The following DGCR2 variants were observed in gnomAD, a reference collection of about 807,000 sequenced individuals.
DGCR2 encodes DiGeorge syndrome critical region gene 2.
Under a neutral mutation model 51.6 loss-of-function variants are expected in DGCR2, and 24 were observed. That is an observed-to-expected ratio of 0.47 (90% CI 0.34 to 0.65). The LOEUF (loss-of-function observed/expected upper bound fraction) is 0.65, where lower values mean the gene tolerates loss of function less well. Ranked by LOEUF, DGCR2 falls within the 30% of genes least tolerant of loss-of-function variation. The probability of loss-of-function intolerance (pLI) is 0.01; values close to 1 mark genes in which losing one functional copy is unlikely to be tolerated. For missense variants in DGCR2, 765 were observed against 772.1 expected (o/e 0.99, Z 0.11); for synonymous variants, 340 against 315.4 (o/e 1.08, Z -0.82).
At chr22:19,046,010 G>A (rs1385165239) in intron 7 of DGCR2, among the ~76,000 whole-genome samples, 2 of 152,158 alleles carry the variant, frequency 1.3e-5, no homozygotes, top group African/African-American at 2.4e-5. Flanking sequence ...TTACAGGTGC[G>A]AGACACCATG....
At chr22:19,056,316 A>G (rs980934969) in intron 6 of DGCR2, 6 of 203,652 alleles carry the variant, frequency 2.9e-5, no homozygotes, top group East Asian at 1.2e-4. Context: ...CTCTGTCCCA[A>G]AAAAAAAAAG....
At chr22:19,079,530 A>G (rs1365477452) in intron 2 of DGCR2, among the ~76,000 whole-genome samples, 1 of 152,204 alleles carries the variant, frequency 6.6e-6, no homozygotes, top group Non-Finnish European at 1.5e-5. Flanking sequence ...CTGCCATTTT[A>G]CCAATGTCAG....
chr22:19,083,702 C>CA (rs1461702415), intron 2 of DGCR2, among the ~76,000 whole-genome samples: 1 of 108,190 alleles, frequency 9.2e-6, no homozygotes, highest in Non-Finnish European at 1.9e-5. Context: ...CCCCCCTCCC[C>CA]CTCCCCCTCT....
At chr22:19,042,384 C>G (rs1482537680) in intron 7 of DGCR2, among the ~76,000 whole-genome samples, 1 of 152,254 alleles carries the variant, frequency 6.6e-6, no homozygotes. Context: ...CTCCCACGTC[C>G]GTCCAACAGC....
At chr22:19,040,505 C>T (rs2082419161) in intron 9 of DGCR2, among the ~76,000 whole-genome samples, 1 of 152,206 alleles carries the variant, frequency 6.6e-6, no homozygotes, top group Non-Finnish European at 1.5e-5. Context: ...GGGTCAGGGG[C>T]CTGCCACTCC....
At chr22:19,117,726 G>T (rs997989540) in intron 1 of DGCR2, among the ~76,000 whole-genome samples, 1 of 152,102 alleles carries the variant, frequency 6.6e-6, no homozygotes, top group South Asian at 2.1e-4. Context: ...CTTTACTCTT[G>T]CAACTTTTCC....
At chr22:19,065,893 G>T (rs2238749) in intron 3 of DGCR2, 75,054 of 152,126 alleles carry the variant, frequency 0.49, 19,661 homozygotes, top group African/African-American at 0.68. Context: ...TTAAAGTGCA[G>T]CTATGTCTTG....
At chr22:19,077,586 C>T (rs5993506) in intron 2 of DGCR2, among the ~76,000 whole-genome samples, 35,599 of 151,960 alleles carry the variant, frequency 0.23, 4,694 homozygotes, top group African/African-American at 0.37. Flanking sequence ...TGGATTACTG[C>T]AGCTTTGTAA....
chr22:19,107,268 G>A (rs1303434948), intron 1 of DGCR2, among the ~76,000 whole-genome samples: 2 of 152,158 alleles, frequency 1.3e-5, no homozygotes, highest in Non-Finnish European at 2.9e-5. Context: ...GGAGACAGGT[G>A]GCCAGCTCTC....
At chr22:19,101,214 G>A (rs1270095497) in intron 1 of DGCR2, among the ~76,000 whole-genome samples, 1 of 152,122 alleles carries the variant, frequency 6.6e-6, no homozygotes, top group Non-Finnish European at 1.5e-5. Context: ...TCCACTCATA[G>A]GCATGTACTC....
intron 1 of DGCR2, among the ~76,000 whole-genome samples, chr22:19,091,237 T>TAGTC (rs1453960299): frequency 6.6e-6 from 1 of 152,128 alleles, no homozygotes. Context: ...CAAACGCCTA[T>TAGTC]AGTCCCAGCT....
chr22:19,048,070 G>A (rs1451925603), intron 7 of DGCR2: 5 of 291,320 alleles, frequency 1.7e-5, no homozygotes, highest in South Asian at 3.8e-5. Context: ...GCATGCGCCT[G>A]TAGTTCCAGC....
At chr22:19,080,940 T>A (rs1442751119) in intron 2 of DGCR2, among the ~76,000 whole-genome samples, 1 of 152,136 alleles carries the variant, frequency 6.6e-6, no homozygotes, top group African/African-American at 2.4e-5. Flanking sequence ...CCAATCCCTA[T>A]CCCACTCCCA....
At position 19,048,578 on chromosome 22, in the gene DGCR2, C is replaced by T. The variant is rs1402145000; in HGVS notation, c.868G>A (p.Asp290Asn). Residue 290 changes from aspartate to asparagine, a missense_variant, in exon 7 of 10, where the codon GAC becomes AAC. Physicochemically the swap from Asp to Asn is conservative, Grantham distance 23. This residue lies in a region of DGCR2 where 190 missense variants were observed against 265.2 expected (regional missense o/e 0.72). Transcript: ENST00000263196. Reference protein sequence around the residue: ...DEGFYFTPKGDDPCLSCTCHG... With the variant: ...DEGFYFTPKGNDPCLSCTCHG... Reference sequence around the variant, plus strand: ...CAGGTGCAGCTCAGGCATGGGTCGTCCCCCTTAGGGGTGAAGTAGAACCCT... The same window carrying T: ...CAGGTGCAGCTCAGGCATGGGTCGTTCCCCTTAGGGGTGAAGTAGAACCCT... 5.6e-6 allele frequency: 9 copies of T among 1,614,222 alleles called. No individual in the cohort carries two copies. The highest frequency in any genetic ancestry group is 7.6e-6 in the Non-Finnish European group (9 of 1,180,042).
intron 1 of DGCR2, among the ~76,000 whole-genome samples, chr22:19,119,287 G>A (rs2083406305): frequency 6.6e-6 from 1 of 152,182 alleles, no homozygotes; most frequent in Non-Finnish European, 1.5e-5. Flanking sequence ...TCTCATCTCA[G>A]CCTTAGCTTC....
intron 5 of DGCR2, among the ~76,000 whole-genome samples, chr22:19,062,807 T>TCTCTCTC (rs397967453): frequency 2.0e-5 from 3 of 146,988 alleles, no homozygotes; most frequent in Non-Finnish European, 4.6e-5. Flanking sequence ...TCTCTCTCTC[T>TCTCTCTC]ATCTGCCTGA....
chr22:19,043,295 C>T (rs959699633), intron 7 of DGCR2, among the ~76,000 whole-genome samples: 1 of 152,252 alleles, frequency 6.6e-6, no homozygotes, highest in Non-Finnish European at 1.5e-5. Context: ...CCCCAACACA[C>T]AGTATCTGGT....
chr22:19,061,039 C>A (rs765122068), intron 5 of DGCR2: 24 of 235,448 alleles, frequency 1.0e-4, no homozygotes, highest in Non-Finnish European at 2.0e-4. Flanking sequence ...TGAGGCCCTT[C>A]CACCATCATT....
chr22:19,049,939 GAATGAACAGA>G lies in DGCR2; in HGVS notation c.803-1306_803-1297del, dbSNP rs529277512. 2.2e-3 allele frequency among the ~76,000 whole-genome samples: 340 copies of G among 151,550 alleles called. 1 individual carries two copies. The highest frequency in any genetic ancestry group is 0.01 in the Middle Eastern group (3 of 292). ...TTCCCTGGCTAAAATAGAGAAAAAA[GAATGAACAGA>G]AATGAACAGAGCTCCCAGAGAAATG... On this transcript the variant is annotated intron_variant, in intron 6 of 9. Coordinates refer to ENST00000263196, the MANE Select transcript of DGCR2 (RefSeq NM_005137.3).
Sources: allele counts gnomAD v4.1 joint callset (sites outside exome capture counted in the v4.1 genomes callset), GRCh38; gene constraint gnomAD v4.1.1; regional missense constraint gnomAD v4.1.1; transcripts MANE v1.5; gene names NCBI Gene and HGNC (gene_info 2026-07-23, HGNC 2026-07-21).